Variants in ULK4 observed in about 807,000 individuals in gnomAD.
ULK4 encodes the protein unc-51 like kinase 4.
A neutral mutation model predicts 160.6 loss-of-function variants in ULK4; 133 were observed. The observed-to-expected ratio is 0.83, with a 90% CI of 0.72 to 0.96. The LOEUF (loss-of-function observed/expected upper bound fraction) is 0.96. Ranked by LOEUF, ULK4 falls within the 40% of genes least tolerant of loss-of-function variation. ULK4 has a pLI of 0.00. For synonymous variants in ULK4, 534 were observed against 539.8 expected (o/e 0.99, Z 0.15); for missense variants, 1,580 against 1,499.5 (o/e 1.05, Z -0.89).
At chr3:41,833,389 G>A (rs533892548) in intron 18 of ULK4, among the ~76,000 whole-genome samples, 8 of 150,664 alleles carry the variant, frequency 5.3e-5, no homozygotes, top group African/African-American at 1.7e-4. Context: ...TCCGCCTCCC[G>A]GGTTCAAGCC....
At chr3:41,687,890 A>G (rs9810800) in intron 27 of ULK4, 23,814 of 152,226 alleles carry the variant, frequency 0.16, 4,648 homozygotes, top group African/African-American at 0.46. Flanking sequence ...GGGACAGCCC[A>G]GGCAAGGCTC....
In ULK4 at chr3:41,603,870, C is replaced by CT. The variant is rs530563527; in HGVS notation, c.3120+11798dup. On this transcript the variant is annotated intron_variant, in intron 31 of 36. Transcript: ENST00000301831. The stretch of plus-strand genomic sequence containing the variant: ...CATTTACAAATATATTTTTAAAATC[C>CT]TTTAATATGTGCCTGTTAAATCCAG... 1.2e-3 allele frequency among the ~76,000 whole-genome samples: 186 copies of CT among 152,152 alleles called. 1 individual carries two copies. The highest frequency in any genetic ancestry group is 4.4e-3 in the African/African-American group (181 of 41,524).
intron 34 of ULK4, 122 bp from the exon 35 acceptor site, chr3:41,398,386 TAC>T: frequency 2.0e-6 from 2 of 975,738 alleles, no homozygotes; most frequent in Non-Finnish European, 1.5e-6. Flanking sequence ...AATACTTTTT[TAC>T]TTTTTTTTTT....
intron 21 of ULK4, among the ~76,000 whole-genome samples, chr3:41,785,683 A>G (rs1482190532): frequency 6.6e-6 from 1 of 152,184 alleles, no homozygotes; most frequent in Non-Finnish European, 1.5e-5. Flanking sequence ...CCTATCAACA[A>G]TAAGGCTGGT....
intron 25 of ULK4, among the ~76,000 whole-genome samples, chr3:41,712,228 C>T (rs146019512): frequency 5.3e-5 from 8 of 152,268 alleles, no homozygotes; most frequent in South Asian, 2.1e-4. Flanking sequence ...ATAGGCAAAC[C>T]ATGCCCTAGT....
At position 41,633,654 on chromosome 3, in the gene ULK4, A is replaced by T. The variant is rs2033837285; in HGVS notation, c.3072-17937T>A. ...CTGAAAATGAAAAAGGACTGGGAAC[A>T]TGATCAGTTAGCAGATTATGACTAA... On this transcript the variant is annotated intron_variant, in intron 30 of 36. Transcript: ENST00000301831. Among the ~76,000 whole-genome samples, 5 of 152,202 alleles carry T rather than the reference A, an allele frequency of 3.3e-5. No homozygotes were observed. In the South Asian group the frequency reaches 1.0e-3, roughly 32 times the overall value.
At chr3:41,506,909 G>T (rs1230798499) in intron 32 of ULK4, among the ~76,000 whole-genome samples, 1 of 147,758 alleles carries the variant, frequency 6.8e-6, no homozygotes, top group African/African-American at 2.5e-5. Context: ...GCATTGGCGG[G>T]TATCCTGGAG....
chr3:41,430,649 G>A (rs2082883492), intron 34 of ULK4, among the ~76,000 whole-genome samples: 1 of 152,198 alleles, frequency 6.6e-6, no homozygotes, highest in African/African-American at 2.4e-5. Flanking sequence ...AGAGATAGAT[G>A]TTTATTAGAT....
chr3:41,673,418 A>G lies in ULK4; in HGVS notation c.2978+8090T>C, dbSNP rs191492282. Among the ~76,000 whole-genome samples, 3 of 152,266 alleles carry G rather than the reference A, an allele frequency of 2.0e-5. No homozygotes were observed. The East Asian group carries it at 5.8e-4, about 29-fold the overall frequency. On this transcript the variant is annotated intron_variant, in intron 29 of 36. Coordinates refer to ENST00000301831, the MANE Select transcript of ULK4 (RefSeq NM_017886.4). The stretch of plus-strand genomic sequence containing the variant: ...GTTGCCACTAATAGAATCCACCTAT[A>G]AATTCCAGTTCCTAAAAGGAAATGC...
chr3:41,719,850 T>C (rs1202225001), intron 22 of ULK4, among the ~76,000 whole-genome samples: 2 of 152,158 alleles, frequency 1.3e-5, no homozygotes. Flanking sequence ...TAAAACTCCC[T>C]ATCATGAACT....
chr3:41,247,417 T>C (rs758041563), intron 36 of ULK4, among the ~76,000 whole-genome samples: 8 of 152,172 alleles, frequency 5.3e-5, no homozygotes, highest in South Asian at 4.1e-4. Context: ...CTTACTCTTA[T>C]AGGTGTGGAT....
chr3:41,559,212 T>C (rs1344685833), intron 32 of ULK4, among the ~76,000 whole-genome samples: 1 of 142,074 alleles, frequency 7.0e-6, no homozygotes, highest in Non-Finnish European at 1.6e-5. Flanking sequence ...GAACTCATCC[T>C]TTTTTATGGC....
intron 29 of ULK4, among the ~76,000 whole-genome samples, chr3:41,676,908 C>CTTTTTTTTTTTT (rs11304353): frequency 1.1e-5 from 1 of 91,288 alleles, no homozygotes; most frequent in African/African-American, 4.4e-5. Flanking sequence ...CACCCCCAAC[C>CTTTTTTTTTTTT]TTTTTTTTTT....
At chr3:41,329,740 A>C (rs2080406577) in intron 35 of ULK4, among the ~76,000 whole-genome samples, 1 of 152,218 alleles carries the variant, frequency 6.6e-6, no homozygotes, top group Non-Finnish European at 1.5e-5. Context: ...GAACATTTAG[A>C]TTGTTTCCAA....
chr3:41,926,616 A>G (rs1699395268), intron 5 of ULK4, among the ~76,000 whole-genome samples: 1 of 152,250 alleles, frequency 6.6e-6, no homozygotes, highest in African/African-American at 2.4e-5. Context: ...AGGTTAGAGG[A>G]ATTGCTAACG....
rs575421720 is a variant in ULK4 at position 41,420,209 on chromosome 3, TAAAAG to T, written c.3493-21950_3493-21946del. Among the ~76,000 whole-genome samples the T allele has an allele frequency of 4.6e-5, 7 of 152,182 alleles. No homozygotes were observed. In the East Asian group the frequency reaches 1.4e-3, roughly 29 times the overall value. Reference sequence around the variant, plus strand: ...TTTGTAGGATCGTTTTTAATACACTTAAAAGAAAAGGTTGGTGAGATTATAATTAC... The same window carrying T: ...TTTGTAGGATCGTTTTTAATACACTTAAAAGGTTGGTGAGATTATAATTAC... On this transcript the variant is annotated intron_variant, in intron 34 of 36. Transcript: ENST00000301831.
chr3:41,512,690 C>T (rs1281243653), intron 32 of ULK4, among the ~76,000 whole-genome samples: 2 of 152,100 alleles, frequency 1.3e-5, no homozygotes, highest in Non-Finnish European at 2.9e-5. Context: ...GAGAAAATGA[C>T]CATACTGCCA....
At chr3:41,788,589 C>A (rs2040061371) in intron 21 of ULK4, among the ~76,000 whole-genome samples, 1 of 151,890 alleles carries the variant, frequency 6.6e-6, no homozygotes, top group African/African-American at 2.4e-5. Context: ...ACTCAGGAGG[C>A]TGAGGCAAGA....
At chr3:41,691,602 C>T (rs867323693) in intron 27 of ULK4, among the ~76,000 whole-genome samples, 1 of 151,812 alleles carries the variant, frequency 6.6e-6, no homozygotes, top group Non-Finnish European at 1.5e-5. Flanking sequence ...TTCCAAATAT[C>T]CATTTTAAAC....
Sources: allele counts gnomAD v4.1 joint callset (sites outside exome capture counted in the v4.1 genomes callset), GRCh38; gene constraint gnomAD v4.1.1; transcripts MANE v1.5; gene names NCBI Gene and HGNC (gene_info 2026-07-23, HGNC 2026-07-21).